The following LRRTM4 variants were observed in gnomAD, a reference collection of about 807,000 sequenced individuals.
LRRTM4 encodes leucine-rich repeat transmembrane neuronal protein 4.
In LRRTM4, 25 loss-of-function variants were observed where a neutral mutation model predicts 47.6. The observed-to-expected ratio is 0.53, with a 90% confidence interval of 0.38 to 0.73. The LOEUF (loss-of-function observed/expected upper bound fraction) is 0.73, where lower values mean the gene tolerates loss of function less well. LRRTM4 is among the 30% of genes least tolerant of loss of function. The pLI, the probability that LRRTM4 is intolerant of heterozygous loss-of-function variation, is 0.00. For missense variants in LRRTM4, 638 were observed against 713.4 expected, an observed-to-expected ratio of 0.89 and a Z score of 1.20; for synonymous variants, 311 against 269.5, an observed-to-expected ratio of 1.15 and a Z score of -1.51.
At chr2:76,843,554 T>TG (rs1671749473) in intron 3 of LRRTM4, among the ~76,000 whole-genome samples, 1 of 152,192 alleles carries the variant, frequency 6.6e-6, no homozygotes, top group Non-Finnish European at 1.5e-5. Flanking sequence ...AACTGAATAT[T>TG]TCATAATAAC....
At chr2:76,814,653 T>G (rs1670846468) in intron 3 of LRRTM4, among the ~76,000 whole-genome samples, 1 of 152,084 alleles carries the variant, frequency 6.6e-6, no homozygotes, top group African/African-American at 2.4e-5. Context: ...GGGTGTAGGT[T>G]ATATGTAAAT....
intron 3 of LRRTM4, among the ~76,000 whole-genome samples, chr2:76,924,551 G>A (rs1033520749): frequency 2.6e-5 from 4 of 151,504 alleles, no homozygotes; most frequent in African/African-American, 9.8e-5. Context: ...TACTGAAGGT[G>A]GTAGAAGAAT....
intron 3 of LRRTM4, among the ~76,000 whole-genome samples, chr2:77,446,262 T>C (rs1676047115): frequency 6.6e-6 from 1 of 151,916 alleles, no homozygotes; most frequent in Non-Finnish European, 1.5e-5. Flanking sequence ...TTGTAGAGAG[T>C]ATTTTTGTGT....
chr2:76,772,122 T>G (rs1029600683), intron 3 of LRRTM4, among the ~76,000 whole-genome samples: 1 of 152,088 alleles, frequency 6.6e-6, no homozygotes, highest in African/African-American at 2.4e-5. Context: ...GGGAGGTAAT[T>G]AGATCATAAG....
At chr2:76,774,129 T>C (rs1378718314) in intron 3 of LRRTM4, among the ~76,000 whole-genome samples, 2 of 152,156 alleles carry the variant, frequency 1.3e-5, no homozygotes, top group East Asian at 1.9e-4. Context: ...GTATATTATA[T>C]GCATTATATG....
At chr2:76,928,472 G>A (rs1674661445) in intron 3 of LRRTM4, among the ~76,000 whole-genome samples, 1 of 152,092 alleles carries the variant, frequency 6.6e-6, no homozygotes, top group African/African-American at 2.4e-5. Flanking sequence ...TATCCACGGA[G>A]GAGCTTTGAG....
chr2:77,256,404 A>G (rs536295563), intron 3 of LRRTM4, among the ~76,000 whole-genome samples: 1 of 152,150 alleles, frequency 6.6e-6, no homozygotes, highest in Non-Finnish European at 1.5e-5. Context: ...AAGACTTCTC[A>G]TATTGTTTTG....
At chr2:77,423,810 A>G (rs374904257) in intron 3 of LRRTM4, among the ~76,000 whole-genome samples, 4 of 152,192 alleles carry the variant, frequency 2.6e-5, no homozygotes, top group African/African-American at 9.7e-5. Flanking sequence ...AAAAAAGATA[A>G]GGTAGATGAA....
Position 77,297,493 on chromosome 2 carries a change from A to C in LRRTM4, c.1551+220825T>G, listed in dbSNP as rs560853315. On this transcript the variant is annotated intron_variant, in intron 3 of 3. Coordinates refer to ENST00000409884, the MANE Select transcript of LRRTM4 (RefSeq NM_001134745.3). ...AGAGGAAAGACAGAAGTACACACAG[A>C]CTTTAGAAGTTTGATCTTCAGGCAT... Among the ~76,000 whole-genome samples, 9 of 152,272 alleles carry C rather than the reference A, an allele frequency of 5.9e-5. No individual in the cohort carries two copies. In the East Asian group the frequency reaches 1.7e-3, roughly 29 times the overall value.
intron 3 of LRRTM4, among the ~76,000 whole-genome samples, chr2:77,235,573 T>A (rs1675083691): frequency 1.3e-5 from 2 of 152,132 alleles, no homozygotes; most frequent in South Asian, 4.1e-4. Flanking sequence ...GAGGACATAG[T>A]CATAACTGAT....
chr2:76,879,881 G>A (rs1270815917), intron 3 of LRRTM4, among the ~76,000 whole-genome samples: 1 of 152,180 alleles, frequency 6.6e-6, no homozygotes, highest in Non-Finnish European at 1.5e-5. Context: ...ACTTTGAGGG[G>A]TTCATCATTT....
At chr2:77,285,803 T>C (rs191474370) in intron 3 of LRRTM4, among the ~76,000 whole-genome samples, 1 of 152,134 alleles carries the variant, frequency 6.6e-6, no homozygotes, top group East Asian at 1.9e-4. Flanking sequence ...ACATATATTT[T>C]TAGGTATTCT....
At chr2:76,827,633 G>A (rs1671225098) in intron 3 of LRRTM4, among the ~76,000 whole-genome samples, 1 of 151,838 alleles carries the variant, frequency 6.6e-6, no homozygotes, top group African/African-American at 2.4e-5. Context: ...TCAGGTTCAT[G>A]TAGTAAAGAT....
intron 3 of LRRTM4, among the ~76,000 whole-genome samples, chr2:77,098,951 G>T (rs1453932836): frequency 1.3e-5 from 2 of 151,922 alleles, no homozygotes; most frequent in Admixed American, 6.6e-5. Context: ...TATTAGGTTG[G>T]CAATAATATA....
intron 3 of LRRTM4, among the ~76,000 whole-genome samples, chr2:76,807,265 G>C (rs1431866443): frequency 6.6e-6 from 1 of 151,516 alleles, no homozygotes; most frequent in Non-Finnish European, 1.5e-5. Flanking sequence ...GACAAGTTAA[G>C]TGAATTGTGG....
At chr2:77,027,639 T>TAAGA (rs1678500827) in intron 3 of LRRTM4, among the ~76,000 whole-genome samples, 1 of 152,204 alleles carries the variant, frequency 6.6e-6, no homozygotes, top group Non-Finnish European at 1.5e-5. Context: ...TCTGAATCAC[T>TAAGA]AAGAGCCTTC....
chr2:76,957,486 A>G lies in LRRTM4; in HGVS notation c.1552-208570T>C, dbSNP rs191410849. On this transcript the variant is annotated intron_variant, in intron 3 of 3. Coordinates refer to ENST00000409884, the MANE Select transcript of LRRTM4 (RefSeq NM_001134745.3). ...GAACCCTGCTTTACTTGATTTTAAA[A>G]TCTTTCTAAAGTAACAGGAAAAATA... 1.8e-4 allele frequency among the ~76,000 whole-genome samples: 27 copies of G among 151,948 alleles called. No individual in the cohort carries two copies. The East Asian group carries it at 4.9e-3, about 27-fold the overall frequency.
intron 3 of LRRTM4, among the ~76,000 whole-genome samples, chr2:77,140,272 C>T (rs558414240): frequency 7.9e-5 from 12 of 152,222 alleles, no homozygotes; most frequent in Admixed American, 1.3e-4. Flanking sequence ...GGTACCAAAA[C>T]AAAGATATAG....
Position 77,227,564 on chromosome 2 carries a change from A to G in LRRTM4, c.1551+290754T>C, listed in dbSNP as rs933125667. On this transcript the variant is annotated intron_variant, in intron 3 of 3. Coordinates refer to ENST00000409884, the MANE Select transcript of LRRTM4 (RefSeq NM_001134745.3). ...AAAATCACAAAGACAAAGATGCCCA[A>G]TGACAAAAGTAGGTCAATTTAATTA... Among the ~76,000 whole-genome samples the G allele has an allele frequency of 3.9e-5, 6 of 152,098 alleles. 1 individual carries two copies. The highest frequency in any genetic ancestry group is 3.3e-4 in the Admixed American group (5 of 15,240).
Sources: allele counts gnomAD v4.1 joint callset (sites outside exome capture counted in the v4.1 genomes callset), GRCh38; gene constraint gnomAD v4.1.1; transcripts MANE v1.5; gene names NCBI Gene and HGNC (gene_info 2026-07-23, HGNC 2026-07-21).